PMS1: variants seen among roughly 807,000 people sequenced by gnomAD.
PMS1 encodes the protein PMS1 protein homolog 1.
In PMS1, 79 loss-of-function variants were observed where a neutral mutation model predicts 93.1. The observed-to-expected ratio is 0.85, with a 90% CI of 0.71 to 1.02. The LOEUF is 1.02. PMS1 is among the 50% of genes least tolerant of loss of function. The pLI, the probability that PMS1 is intolerant of heterozygous loss-of-function variation, is 0.00. For missense variants in PMS1, 1,064 were observed against 1,085.3 expected (o/e 0.98, Z 0.28); for synonymous variants, 335 against 363.4 (o/e 0.92, Z 0.89).
In PMS1 at chr2:189,791,819, T is replaced by A; in HGVS notation, c.10T>A (p.Leu4Met). ...TCTGTTAAAAGCGAAAATGAAACAA[T>A]TGCCTGCGGCAACAGTTCGACTCCT... is the stretch of plus-strand genomic sequence containing the variant. MKQ[L>M]PAATVRLLSS... is the part of the protein sequence containing the mutation. Residue 4 changes from leucine (L) to methionine (M), a missense_variant, in exon 2 of 13, where the codon TTG becomes ATG. By Grantham distance (15) the Leu-to-Met change is conservative. Coordinates refer to ENST00000441310, the MANE Select transcript of PMS1 (RefSeq NM_000534.5). The A allele has an allele frequency of 1.2e-6, 2 of 1,613,932 alleles. No homozygotes were observed. The highest frequency in any genetic ancestry group is 1.7e-6 in the Non-Finnish European group (2 of 1,179,876).
intron 9 of PMS1, chr2:189,857,426 C>T (rs2055447115): frequency 4.3e-6 from 2 of 460,552 alleles, no homozygotes; most frequent in South Asian, 1.6e-5. Context: ...AATGATACAA[C>T]ACCCAAGAAT....
At chr2:189,820,315 T>C (rs2051718302) in intron 5 of PMS1, among the ~76,000 whole-genome samples, 1 of 152,158 alleles carries the variant, frequency 6.6e-6, no homozygotes, top group South Asian at 2.1e-4. Flanking sequence ...TTTTTTTTCT[T>C]TCCTTTTTTG....
intron 4 of PMS1, among the ~76,000 whole-genome samples, chr2:189,817,321 T>C (rs890829348): frequency 1.3e-5 from 2 of 152,252 alleles, no homozygotes; most frequent in African/African-American, 4.8e-5. Flanking sequence ...GATTAACTGG[T>C]GACTAGTAGT....
chr2:189,820,158 G>A (rs2051697728), intron 5 of PMS1, among the ~76,000 whole-genome samples: 1 of 152,182 alleles, frequency 6.6e-6, no homozygotes, highest in Non-Finnish European at 1.5e-5. Context: ...GTGATGTAGG[G>A]ATTATATCAG....
intron 4 of PMS1, among the ~76,000 whole-genome samples, chr2:189,808,462 G>A (rs1205523679): frequency 1.3e-5 from 2 of 151,952 alleles, no homozygotes; most frequent in Admixed American, 1.3e-4. Context: ...CAAGTAGCTG[G>A]GATTGCAGGT....
intron 4 of PMS1, among the ~76,000 whole-genome samples, chr2:189,813,430 A>G (rs2051012790): frequency 6.6e-6 from 1 of 152,198 alleles, no homozygotes; most frequent in African/African-American, 2.4e-5. Flanking sequence ...AACCAATTCT[A>G]AGATGCACAT....
Position 189,854,692 on chromosome 2 carries a change from C to A in PMS1, c.1420C>A (p.His474Asn), listed in dbSNP as rs963488843. The change falls in exon 9 of 13, where the codon CAT (histidine) becomes AAT (asparagine). Residue 474 changes from histidine (H) to asparagine (N), a missense_variant. Transcript: ENST00000441310. The part of the protein sequence containing the change: ...HTQSENGNKD[H>N]IDESGENEEE... ...CCAGTCAGAAAATGGCAATAAAGAC[C>A]ATATAGATGAGAGTGGGGAAAATGA... 2.5e-6 allele frequency: 4 copies of A among 1,613,536 alleles called. No homozygotes were observed. In the African/African-American group the frequency reaches 5.3e-5, roughly 22 times the overall value.
intron 9 of PMS1, among the ~76,000 whole-genome samples, chr2:189,858,132 A>T (rs2055545539): frequency 6.6e-6 from 1 of 152,084 alleles, no homozygotes; most frequent in Admixed American, 6.6e-5. Context: ...CAGATTTTGG[A>T]GTCAGGGAGT....
intron 4 of PMS1, among the ~76,000 whole-genome samples, chr2:189,809,697 T>C (rs1385228363): frequency 6.6e-6 from 1 of 151,844 alleles, no homozygotes; most frequent in African/African-American, 2.4e-5. Flanking sequence ...TACAAAAAAT[T>C]AGCCAGGCAT....
At chr2:189,815,197 A>G (rs1048228791) in intron 4 of PMS1, among the ~76,000 whole-genome samples, 1 of 152,158 alleles carries the variant, frequency 6.6e-6, no homozygotes, top group African/African-American at 2.4e-5. Flanking sequence ...CTGAGGTGGA[A>G]ACAATTCTGA....
intron 9 of PMS1, among the ~76,000 whole-genome samples, chr2:189,858,938 T>A (rs1451295207): frequency 1.3e-5 from 2 of 152,160 alleles, no homozygotes; most frequent in Non-Finnish European, 2.9e-5. Context: ...CTCCTGTCTT[T>A]TAAATCTCAC....
chr2:189,789,076 T>C (rs1480649694), intron 1 of PMS1, among the ~76,000 whole-genome samples: 2 of 152,208 alleles, frequency 1.3e-5, no homozygotes, highest in African/African-American at 4.8e-5. Context: ...ACAGCTGCTC[T>C]CCTGAGAACT....
At chr2:189,875,578 CGTATGATAGTG>C (rs765067766) in intron 12 of PMS1, among the ~76,000 whole-genome samples, 4 of 152,020 alleles carry the variant, frequency 2.6e-5, no homozygotes, top group African/African-American at 4.8e-5. Context: ...GGCAGCAAGT[CGTATGATAGTG>C]AATAGTGAAA....
intron 5 of PMS1, among the ~76,000 whole-genome samples, chr2:189,837,024 G>C (rs767846261): frequency 1.6e-4 from 25 of 152,082 alleles, no homozygotes; most frequent in Non-Finnish European, 2.9e-4. Context: ...AACACTGCAG[G>C]CTTTTTAGCT....
At chr2:189,807,529 A>C (rs2050455701) in intron 4 of PMS1, among the ~76,000 whole-genome samples, 1 of 152,218 alleles carries the variant, frequency 6.6e-6, no homozygotes, top group Non-Finnish European at 1.5e-5. Flanking sequence ...TCGCCTTATA[A>C]AACTTAAAGG....
chr2:189,863,032 G>A (rs1293012143), intron 9 of PMS1, among the ~76,000 whole-genome samples: 2 of 152,096 alleles, frequency 1.3e-5, no homozygotes, highest in Non-Finnish European at 1.5e-5. Context: ...TTCTGACTGA[G>A]TTCTGGCCAC....
intron 9 of PMS1, among the ~76,000 whole-genome samples, chr2:189,862,861 CA>C (rs1388927126): frequency 6.6e-6 from 1 of 152,212 alleles, no homozygotes; most frequent in Non-Finnish European, 1.5e-5. Flanking sequence ...CTGCAATGGG[CA>C]GCAGCTGAAA....
In PMS1 at chr2:189,854,798, G is replaced by A. The variant is rs2106463329; in HGVS notation, c.1526G>A (p.Gly509Glu). 1 of 1,613,178 alleles carries A rather than the reference G, an allele frequency of 6.2e-7. No individual in the cohort carries two copies. The change falls in exon 9 of 13, where the codon GGA becomes GAA. Residue 509 changes from glycine (G) to glutamate (E), a missense_variant. Gly to Glu is a moderately conservative substitution (Grantham distance 98). Coordinates refer to ENST00000441310, the MANE Select transcript of PMS1 (RefSeq NM_000534.5). ...GGAAATATACTTAAAAATTCAGTGGGAGAGAATATTGAACCTGTGAAAATT... is the reference window on the plus strand; with the variant it reads ...GGAAATATACTTAAAAATTCAGTGGAAGAGAATATTGAACCTGTGAAAATT... ...SRGNILKNSV[G>E]ENIEPVKILV...
chr2:189,800,249 G>T (rs1280571268), intron 3 of PMS1, among the ~76,000 whole-genome samples: 2 of 152,130 alleles, frequency 1.3e-5, no homozygotes, highest in East Asian at 3.9e-4. Context: ...TGTATTTTCC[G>T]TGGTAGGTTA....
Sources: allele counts gnomAD v4.1 joint callset (sites outside exome capture counted in the v4.1 genomes callset), GRCh38; gene constraint gnomAD v4.1.1; transcripts MANE v1.5; gene names NCBI Gene and HGNC (gene_info 2026-07-23, HGNC 2026-07-21).